Variants in PKD1L1 observed in about 807,000 individuals in gnomAD.
PKD1L1 encodes the protein polycystin 1 like 1, transient receptor potential channel interacting, also known as polycystin-1-like protein 1.
In PKD1L1, 236 loss-of-function variants were observed where a neutral mutation model predicts 323.4. That is an observed-to-expected ratio of 0.73 (90% CI 0.66 to 0.81). PKD1L1 has a LOEUF of 0.81. Ranked by LOEUF, PKD1L1 falls within the 40% of genes least tolerant of loss-of-function variation. The pLI is 0.00. For synonymous variants in PKD1L1, 1,344 were observed against 1,335.0 expected, an observed-to-expected ratio of 1.01 and a Z score of -0.15; for missense variants, 3,320 against 3,508.0, an observed-to-expected ratio of 0.95 and a Z score of 1.35.
chr7:47,804,598 T>C (rs1265914145), intron 52 of PKD1L1, among the ~76,000 whole-genome samples: 1 of 151,280 alleles, frequency 6.6e-6, no homozygotes, highest in East Asian at 1.9e-4. Flanking sequence ...GCCTACCGAG[T>C]AGCTGGGGCT....
chr7:47,825,609 A>G (rs1314603118), intron 45 of PKD1L1, among the ~76,000 whole-genome samples: 1 of 151,478 alleles, frequency 6.6e-6, no homozygotes, highest in East Asian at 1.9e-4. Flanking sequence ...TTATTTTACA[A>G]ATAGTTTCTT....
chr7:47,834,237 C>A, intron 40 of PKD1L1, 102 bp downstream of exon 40: 1 of 1,187,878 alleles, frequency 8.4e-7, no homozygotes, highest in Non-Finnish European at 1.2e-6. Flanking sequence ...TTGAGCCTGA[C>A]CCATCCATGG....
intron 45 of PKD1L1, among the ~76,000 whole-genome samples, chr7:47,825,108 C>T (rs1421474368): frequency 6.6e-6 from 1 of 152,166 alleles, no homozygotes; most frequent in Non-Finnish European, 1.5e-5. Flanking sequence ...TATGTGGTCA[C>T]ATTTTTGGAT....
At chr7:47,944,231 C>T (rs1009114305) in intron 1 of PKD1L1, among the ~76,000 whole-genome samples, 4 of 152,050 alleles carry the variant, frequency 2.6e-5, no homozygotes, top group African/African-American at 9.7e-5. Context: ...GTGAGTTCTC[C>T]GAGATCTGGT....
chr7:47,932,264 G>A (rs1166130685), intron 4 of PKD1L1, among the ~76,000 whole-genome samples: 1 of 152,194 alleles, frequency 6.6e-6, no homozygotes, highest in Admixed American at 6.5e-5. Flanking sequence ...GCTGCTGCAG[G>A]CACTCGAGGG....
intron 45 of PKD1L1, among the ~76,000 whole-genome samples, chr7:47,822,612 A>AC (rs1423361550): frequency 2.0e-5 from 3 of 151,374 alleles, no homozygotes; most frequent in Non-Finnish European, 3.0e-5. Context: ...AAAAAAAAAA[A>AC]AAAAAAACAG....
chr7:47,850,016 AG>A (rs1785745140), intron 31 of PKD1L1, among the ~76,000 whole-genome samples: 1 of 152,166 alleles, frequency 6.6e-6, no homozygotes, highest in Admixed American at 6.5e-5. Context: ...TTGGGGACTT[AG>A]GGGTAAGGAT....
chr7:47,886,643 C>T (rs956254138), intron 17 of PKD1L1, among the ~76,000 whole-genome samples: 18 of 152,060 alleles, frequency 1.2e-4, no homozygotes, highest in Admixed American at 1.3e-4. Context: ...ACTGCCCTGC[C>T]GCCTCACTCC....
At chr7:47,912,013 G>A (rs1787333254) in intron 8 of PKD1L1, among the ~76,000 whole-genome samples, 1 of 151,558 alleles carries the variant, frequency 6.6e-6, no homozygotes, top group Non-Finnish European at 1.5e-5. Context: ...AAAGGAGGGA[G>A]AAAAGACCAT....
At chr7:47,831,135 C>T in intron 42 of PKD1L1, 82 bp downstream of exon 42, 1 of 1,508,760 alleles carries the variant, frequency 6.6e-7, no homozygotes, top group African/African-American at 1.4e-5. Context: ...CTGATGAGTT[C>T]CCAGAAATGC....
chr7:47,937,591 G>A (rs1787896633), intron 3 of PKD1L1, among the ~76,000 whole-genome samples: 1 of 152,176 alleles, frequency 6.6e-6, no homozygotes, highest in South Asian at 2.1e-4. Context: ...GTACTGAAGA[G>A]AGCCTGGCAG....
chr7:47,910,588 T>A (rs1231218586), intron 8 of PKD1L1, among the ~76,000 whole-genome samples: 1 of 152,062 alleles, frequency 6.6e-6, no homozygotes, highest in Non-Finnish European at 1.5e-5. Context: ...TCCACTCTCC[T>A]TGGCCTCCCA....
chr7:47,919,172 A>G (rs1017136678), intron 7 of PKD1L1, among the ~76,000 whole-genome samples: 14 of 152,290 alleles, frequency 9.2e-5, no homozygotes, highest in African/African-American at 2.9e-4. Flanking sequence ...TAAGCTCAAT[A>G]AGAAACAAAA....
At position 47,898,128 on chromosome 7, in the gene PKD1L1, G is replaced by C. The variant is rs1237628376; in HGVS notation, c.2131C>G (p.Gln711Glu). 6.2e-7 allele frequency: 1 copy of C among 1,614,048 alleles called. No individual in the cohort carries two copies. The highest frequency in any genetic ancestry group is 1.3e-5 in the African/African-American group (1 of 74,910). ...AAGTTCCAGGTGTAAGAAAGACCTT[G>C]GGAAATATCACAGAAGACTGCAGCT... ...FEAAVFCDIS[Q>E]GLSYTWNLMD... is the part of the protein sequence containing the mutation. Residue 711 changes from glutamine to glutamate, a missense_variant, in exon 14 of 57, where the codon CAA becomes GAA. Gln to Glu is a conservative substitution (Grantham distance 29, BLOSUM62 2). Transcript: ENST00000289672.
In PKD1L1 at chr7:47,891,342, C is replaced by T. The variant is rs1273060074; in HGVS notation, c.2454-579G>A. On this transcript the variant is annotated intron_variant, in intron 15 of 56. Coordinates refer to ENST00000289672, the MANE Select transcript of PKD1L1 (RefSeq NM_138295.5). ...ACCCAACAAGATAAACATGGCTGCT[C>T]CGTCCAGGTCAAGCAGGAAGATGTC... 4.6e-5 allele frequency among the ~76,000 whole-genome samples: 7 copies of T among 152,154 alleles called. No homozygotes were observed. In the South Asian group the frequency reaches 1.2e-3, roughly 27 times the overall value.
chr7:47,819,716 TCTTAC>T (rs1174450715), intron 46 of PKD1L1: 1 of 506,494 alleles, frequency 2.0e-6, no homozygotes, highest in African/African-American at 2.1e-5. Flanking sequence ...GACTTCCAGG[TCTTAC>T]CTTACGAGTG....
intron 54 of PKD1L1, among the ~76,000 whole-genome samples, chr7:47,799,847 C>T (rs184131180): frequency 6.6e-6 from 1 of 152,334 alleles, no homozygotes; most frequent in East Asian, 1.9e-4. Flanking sequence ...TGATGAGTCC[C>T]ACCCTTGTGA....
chr7:47,915,870 GA>G (rs1197883467), intron 7 of PKD1L1, among the ~76,000 whole-genome samples: 4 of 151,818 alleles, frequency 2.6e-5, no homozygotes, highest in Non-Finnish European at 1.5e-5. Context: ...AATTATAAAA[GA>G]AAAAATAACT....
intron 1 of PKD1L1, among the ~76,000 whole-genome samples, chr7:47,943,771 C>T (rs2128759264): frequency 6.6e-6 from 1 of 152,336 alleles, no homozygotes; most frequent in South Asian, 2.1e-4. Flanking sequence ...ACAGATCCAT[C>T]TCTCTTCCTG....
Sources: gnomAD v4.1 joint callset for allele counts (sites outside exome capture counted in the v4.1 genomes callset) on GRCh38, gnomAD v4.1.1 for gene constraint, MANE v1.5 for transcripts, NCBI Gene and HGNC (gene_info 2026-07-23, HGNC 2026-07-21) for gene names.